TMEM132B: variants seen among roughly 807,000 people sequenced by gnomAD.
TMEM132B encodes the protein transmembrane protein 132B.
In TMEM132B, 18 loss-of-function variants were observed where a neutral mutation model predicts 90.8. The observed-to-expected ratio is 0.20, with a 90% confidence interval of 0.14 to 0.29. TMEM132B has a LOEUF of 0.29. Among genes scored for constraint, TMEM132B ranks in the 10% least tolerant of loss-of-function variants. The probability of loss-of-function intolerance (pLI) is 1.00; values close to 1 mark genes in which losing one functional copy is unlikely to be tolerated. For synonymous variants in TMEM132B, 504 were observed against 523.3 expected (o/e 0.96, Z 0.50); for missense variants, 1,096 against 1,326.8 (o/e 0.83, Z 2.70).
At chr12:125,442,527 G>A (rs970399537) in intron 3 of TMEM132B, among the ~76,000 whole-genome samples, 2 of 152,170 alleles carry the variant, frequency 1.3e-5, no homozygotes, top group African/African-American at 4.8e-5. Flanking sequence ...ACAAGGAAGA[G>A]AATAATACCT....
chr12:125,332,258 C>A (rs1452545146), intron 1 of TMEM132B, among the ~76,000 whole-genome samples: 1 of 152,166 alleles, frequency 6.6e-6, no homozygotes, highest in African/African-American at 2.4e-5. Flanking sequence ...AGATATCTGA[C>A]AAATTCCTAG....
chr12:125,422,358 C>G (rs1880192677), intron 3 of TMEM132B, among the ~76,000 whole-genome samples: 1 of 152,202 alleles, frequency 6.6e-6, no homozygotes. Flanking sequence ...GAAGGCATGG[C>G]AAAGCGCCTG....
chr12:125,424,563 C>T (rs1033416183), intron 3 of TMEM132B, among the ~76,000 whole-genome samples: 1 of 152,164 alleles, frequency 6.6e-6, no homozygotes, highest in Non-Finnish European at 1.5e-5. Context: ...TAGGTTTGTG[C>T]GTTGTCAAAT....
intron 3 of TMEM132B, among the ~76,000 whole-genome samples, chr12:125,454,392 TTG>T (rs749400783): frequency 0.014 from 1,583 of 111,696 alleles, 21 homozygotes; most frequent in African/African-American, 0.022. Context: ...GTGTGTGTGT[TTG>T]TGTGTGTGTG....
At chr12:125,295,759 G>T (rs1875658406) in intron 1 of TMEM132B, among the ~76,000 whole-genome samples, 1 of 152,146 alleles carries the variant, frequency 6.6e-6, no homozygotes, top group African/African-American at 2.4e-5. Context: ...TGCATCGGTG[G>T]CTGGGCCTTG....
intron 1 of TMEM132B, among the ~76,000 whole-genome samples, chr12:125,234,164 A>G (rs1593050177): frequency 6.6e-6 from 1 of 152,126 alleles, no homozygotes; most frequent in South Asian, 2.1e-4. Flanking sequence ...GTGGCCAGGG[A>G]TAGTGCTGGG....
intron 1 of TMEM132B, among the ~76,000 whole-genome samples, chr12:125,313,962 G>A (rs910341461): frequency 1.3e-4 from 19 of 151,784 alleles, no homozygotes; most frequent in African/African-American, 4.6e-4. Context: ...ATCTCTTTGT[G>A]TCTCTGTCTT....
rs1033620272 is a variant in TMEM132B at position 125,519,539 on chromosome 12, C to A, written c.1207C>A (p.Pro403Thr). Residue 403 changes from proline (P) to threonine (T), a missense_variant, in exon 4 of 9, where the codon CCG becomes ACG. By Grantham distance (38) the Pro-to-Thr change is conservative (BLOSUM62 -1). Transcript: ENST00000682704. The stretch of plus-strand genomic sequence containing the variant: ...GCAGATTACCTGGCAGGTGGAGTAC[C>A]CGATTGAGGACTCCATGAGTGAGCT... ...AQQITWQVEY[P>T]IEDSMSELVV... 1.9e-6 allele frequency: 3 copies of A among 1,613,924 alleles called. No individual in the cohort carries two copies. The highest frequency in any genetic ancestry group is 2.5e-6 in the Non-Finnish European group (3 of 1,179,936).
chr12:125,595,221 C>T (rs527867714), intron 5 of TMEM132B, among the ~76,000 whole-genome samples: 5 of 152,320 alleles, frequency 3.3e-5, no homozygotes, highest in Admixed American at 3.3e-4. Flanking sequence ...ACCTATTGCT[C>T]TTCCTCATTA....
At position 125,613,136 on chromosome 12, in the gene TMEM132B, T is replaced by C. The variant is rs1308617503; in HGVS notation, c.1437+29142T>C. The stretch of plus-strand genomic sequence containing the variant: ...ATATATATCATATATATTTATATAT[T>C]ATATATAAATATATATCATATATAT... On this transcript the variant is annotated intron_variant, in intron 5 of 8. Coordinates refer to ENST00000682704, the MANE Select transcript of TMEM132B (RefSeq NM_001366854.1). Among the ~76,000 whole-genome samples the C allele has an allele frequency of 2.7e-5, 3 of 112,874 alleles. 1 individual carries two copies. The highest frequency in any genetic ancestry group is 1.1e-4 in the African/African-American group (3 of 26,766). 74.0% of individuals were successfully genotyped at this position (112,874 alleles called of 152,430 possible). A position where few individuals can be genotyped will look rare whatever the true frequency, so the allele number is the denominator to read the frequency against.
At chr12:125,537,380 A>G (rs1342248715) in intron 4 of TMEM132B, among the ~76,000 whole-genome samples, 2 of 152,266 alleles carry the variant, frequency 1.3e-5, no homozygotes, top group Non-Finnish European at 2.9e-5. Flanking sequence ...CGAAGACTCC[A>G]GACAGCAGAA....
intron 3 of TMEM132B, among the ~76,000 whole-genome samples, chr12:125,432,082 G>A (rs1179293662): frequency 4.6e-5 from 7 of 152,090 alleles, no homozygotes; most frequent in South Asian, 2.1e-4. Flanking sequence ...CCACGCTGCC[G>A]GGGTGTTGGT....
At chr12:125,521,676 A>G (rs772280956) in intron 4 of TMEM132B, among the ~76,000 whole-genome samples, 1 of 152,160 alleles carries the variant, frequency 6.6e-6, no homozygotes, top group Non-Finnish European at 1.5e-5. Context: ...TGCTGCAGCT[A>G]GAATCACATT....
chr12:125,534,401 C>T (rs1313732675), intron 4 of TMEM132B, among the ~76,000 whole-genome samples: 1 of 152,096 alleles, frequency 6.6e-6, no homozygotes, highest in Non-Finnish European at 1.5e-5. Flanking sequence ...CCTGTAATCC[C>T]AGCTACTCGA....
chr12:125,591,474 C>A lies in TMEM132B; in HGVS notation c.1437+7480C>A, dbSNP rs574697029. Among the ~76,000 whole-genome samples the A allele has an allele frequency of 2.0e-5, 3 of 152,270 alleles. No homozygotes were observed. In the East Asian group the frequency reaches 5.8e-4, roughly 29 times the overall value. On this transcript the variant is annotated intron_variant, in intron 5 of 8. Transcript: ENST00000682704. ...CCCTGCTGCCTCCCTCTTACAAGGA[C>A]CCTTGTGATTACTTTGGGGGCCACA...
At chr12:125,586,794 G>C (rs970730875) in intron 5 of TMEM132B, 2 of 152,144 alleles carry the variant, frequency 1.3e-5, no homozygotes, top group African/African-American at 4.8e-5. Flanking sequence ...AATTCGGCTA[G>C]ACCAACAAGA....
intron 1 of TMEM132B, among the ~76,000 whole-genome samples, chr12:125,330,060 C>T (rs1876716305): frequency 6.6e-6 from 1 of 152,220 alleles, no homozygotes; most frequent in African/African-American, 2.4e-5. Context: ...CGATCTGTGT[C>T]ACGCTGGACT....
chr12:125,381,171 G>C (rs1406130822), intron 2 of TMEM132B, among the ~76,000 whole-genome samples: 1 of 152,152 alleles, frequency 6.6e-6, no homozygotes, highest in Admixed American at 6.5e-5. Flanking sequence ...GAGACACTGG[G>C]GATTTGATAT....
intron 4 of TMEM132B, among the ~76,000 whole-genome samples, chr12:125,523,488 TC>T (rs1313357438): frequency 6.6e-6 from 1 of 152,132 alleles, no homozygotes; most frequent in African/African-American, 2.4e-5. Context: ...CAGGATAATC[TC>T]CCCATCTCAA....
Sources: gnomAD v4.1 joint callset for allele counts (sites outside exome capture counted in the v4.1 genomes callset) on GRCh38, gnomAD v4.1.1 for gene constraint, MANE v1.5 for transcripts, NCBI Gene and HGNC (gene_info 2026-07-23, HGNC 2026-07-21) for gene names.